Variants in GDF3 observed in about 807,000 individuals in gnomAD.
GDF3 encodes the protein growth/differentiation factor 3.
GDF3 carries 10 observed loss-of-function variants against 10.2 expected under a neutral mutation model. The observed-to-expected ratio is 0.98, with a 90% CI of 0.60 to 1.66. The LOEUF (loss-of-function observed/expected upper bound fraction) is 1.66, where lower values mean the gene tolerates loss of function less well. GDF3 is among the 40% of genes most tolerant of loss of function. GDF3 has a pLI of 0.00. For missense variants in GDF3, 450 were observed against 438.3 expected (o/e 1.03, Z -0.24); for synonymous variants, 166 against 178.5 (o/e 0.93, Z 0.56).
intron 1 of GDF3, among the ~76,000 whole-genome samples, chr12:7,691,613 C>T (rs766636433): frequency 2.0e-5 from 3 of 151,272 alleles, no homozygotes; most frequent in Admixed American, 1.3e-4. Flanking sequence ...AACACTATGC[C>T]GAAATTTATG....
chr12:7,692,603 G>A (rs920813152), intron 1 of GDF3, among the ~76,000 whole-genome samples: 5 of 150,856 alleles, frequency 3.3e-5, no homozygotes, highest in Admixed American at 1.3e-4. Context: ...TCCGTCTCTC[G>A]GGTTCAAGCA....
chr12:7,694,437 G>A (rs893366268), intron 1 of GDF3, among the ~76,000 whole-genome samples: 12 of 142,468 alleles, frequency 8.4e-5, no homozygotes, highest in Non-Finnish European at 1.3e-4. Context: ...AGCTGGGCTT[G>A]GTGACACACG....
Position 7,690,266 on chromosome 12 carries a change from A to G in GDF3, c.707T>C (p.Val236Ala), listed in dbSNP as rs964227223. Residue 236 changes from valine (V) to alanine (A), a missense_variant, in exon 2 of 2, where the codon GTG (valine) becomes GCG (alanine). Val to Ala is a moderately conservative substitution (Grantham distance 64). Coordinates refer to ENST00000329913, the MANE Select transcript of GDF3 (RefSeq NM_020634.3). ...GTGGCACTGATCAGGGTTGAGAGTC[A>G]CCACCAGCAGGGAAGCATGAAGGGA... Reference protein sequence around the residue: ...RCSLHASLLVVTLNPDQCHPS... With the variant: ...RCSLHASLLVATLNPDQCHPS... The G allele has an allele frequency of 6.2e-7, 1 of 1,614,002 alleles. No homozygotes were observed. The highest frequency in any genetic ancestry group is 8.5e-7 in the Non-Finnish European group (1 of 1,180,028).
chr12:7,692,108 T>G (rs1159535683), intron 1 of GDF3, among the ~76,000 whole-genome samples: 2 of 152,062 alleles, frequency 1.3e-5, no homozygotes, highest in Non-Finnish European at 2.9e-5. Flanking sequence ...ATATTTTACT[T>G]TAGGCACTTA....
At position 7,690,256 on chromosome 12, in the gene GDF3, G is replaced by C. The variant is rs1192886112; in HGVS notation, c.717C>G (p.Asn239Lys). 6.2e-7 allele frequency: 1 copy of C among 1,614,048 alleles called. No individual in the cohort carries two copies. The highest frequency in any genetic ancestry group is 1.3e-5 in the African/African-American group (1 of 74,930). ...LHASLLVVTLNPDQCHPSRKR... is the reference protein window; with the variant it reads ...LHASLLVVTLKPDQCHPSRKR... ...TCCGAGAAGGGTGGCACTGATCAGG[G>C]TTGAGAGTCACCACCAGCAGGGAAG... is the stretch of plus-strand genomic sequence containing the variant. The change falls in exon 2 of 2, where the codon AAC (asparagine) becomes AAG (lysine). Residue 239 changes from asparagine to lysine, a missense_variant. Coordinates refer to ENST00000329913, the MANE Select transcript of GDF3 (RefSeq NM_020634.3).
rs761911472 is a variant in GDF3, at chr12:7,695,447, C to G, written c.268+14G>C. On this transcript the variant is annotated intron_variant, in intron 1 of 1. Transcript: ENST00000329913. Reference sequence around the variant, plus strand: ...GTTCCAGATGTTTTTCTGGATAACACTCTATTTCCTTACCTTGGTCTGGGA... The same window carrying G: ...GTTCCAGATGTTTTTCTGGATAACAGTCTATTTCCTTACCTTGGTCTGGGA... 1.2e-6 allele frequency: 2 copies of G among 1,613,038 alleles called. No homozygotes were observed. Among genetic ancestry groups the G allele is most frequent in the Non-Finnish European group, 1.7e-6 (2 of 1,179,014 alleles).
At position 7,695,763 on chromosome 12, in the gene GDF3, C is replaced by T; in HGVS notation, c.-35G>A. 6.2e-7 allele frequency: 1 copy of T among 1,612,446 alleles called. No homozygotes were observed. The highest frequency in any genetic ancestry group is 1.3e-5 in the African/African-American group (1 of 75,024). ...AGTGGCTGTCAGACCGGGGAGAGCTCCACTGCCAGACTGCCCAACAATTCA... is the reference window on the plus strand; with the variant it reads ...AGTGGCTGTCAGACCGGGGAGAGCTTCACTGCCAGACTGCCCAACAATTCA... On this transcript the variant is annotated 5_prime_UTR_variant, in exon 1 of 2. Transcript: ENST00000329913.
intron 1 of GDF3, among the ~76,000 whole-genome samples, chr12:7,692,829 G>C (rs1864146980): frequency 6.6e-6 from 1 of 151,720 alleles, no homozygotes. Flanking sequence ...TTTTTGTAGA[G>C]ATAGGGTCTC....
chr12:7,692,316 G>A (rs1438168979), intron 1 of GDF3, among the ~76,000 whole-genome samples: 1 of 151,824 alleles, frequency 6.6e-6, no homozygotes, highest in East Asian at 2.0e-4. Context: ...TGTAATCCCA[G>A]CTACTCGGGA....
chr12:7,692,758 C>A (rs530653421), intron 1 of GDF3, among the ~76,000 whole-genome samples: 2 of 152,006 alleles, frequency 1.3e-5, no homozygotes, highest in Non-Finnish European at 2.9e-5. Context: ...CCCACCTCGG[C>A]CTCCCAAAGT....
In GDF3 at chr12:7,690,700, G is replaced by T; in HGVS notation, c.273C>A (p.Phe91Leu). ...GGGAAATTTTCTTTGGGTAAAGAAA[G>T]AAACCTAGATGGGAAAAGAGACATG... ...NVLRFLPDQG[F>L]FLYPKKISQA... Residue 91 changes from phenylalanine to leucine, a missense_variant, in exon 2 of 2, where the codon TTC becomes TTA. By Grantham distance (22) the Phe-to-Leu change is conservative. Transcript: ENST00000329913. 3 of 1,572,904 alleles carry T rather than the reference G, an allele frequency of 1.9e-6. No homozygotes were observed. Among genetic ancestry groups the T allele is most frequent in the Non-Finnish European group, 2.6e-6 (3 of 1,142,708 alleles).
rs1478585475 is a variant in GDF3, at chr12:7,695,627, G to A, written c.102C>T (p.Gly34=). The A allele has an allele frequency of 1.6e-5, 26 of 1,613,984 alleles. No homozygotes were observed. Among genetic ancestry groups the A allele is most frequent in the Non-Finnish European group, 2.2e-5 (26 of 1,179,980 alleles). ...TCTGGGGTGAAGGCGCCTTATCTAA[G>A]CCCAGAAATTGGAGAAAGACATATT... The part of the protein sequence containing the change: ...FQEYVFLQFL[G]LDKAPSPQKF... The change falls in exon 1 of 2, where the codon GGC becomes GGT. Residue 34 remains glycine, a synonymous_variant. Coordinates refer to ENST00000329913, the MANE Select transcript of GDF3 (RefSeq NM_020634.3).
chr12:7,693,532 G>A (rs1387742994), intron 1 of GDF3, among the ~76,000 whole-genome samples: 1 of 151,068 alleles, frequency 6.6e-6, no homozygotes, highest in African/African-American at 2.4e-5. Context: ...GAGCCACCAC[G>A]CCCAGCCTTA....
At chr12:7,692,935 C>T (rs144573499) in intron 1 of GDF3, among the ~76,000 whole-genome samples, 1 of 151,968 alleles carries the variant, frequency 6.6e-6, no homozygotes, top group Non-Finnish European at 1.5e-5. Flanking sequence ...CTGTGCCCAG[C>T]CTCTCCTCAT....
intron 1 of GDF3, among the ~76,000 whole-genome samples, chr12:7,694,712 C>T (rs1123136): frequency 0.64 from 96,754 of 151,844 alleles, 31,318 homozygotes; most frequent in Middle Eastern, 0.81. Flanking sequence ...GTAAAACTAA[C>T]CAAGGCTCTA....
In GDF3 at chr12:7,694,569, C is replaced by CAA. The variant is rs57221382; in HGVS notation, c.268+890_268+891dup. On this transcript the variant is annotated intron_variant, in intron 1 of 1. Transcript: ENST00000329913. ...AGCCTGGGGGACAGAGCGAGACTCT[C>CAA]AAAAAAAAAAAAAAAAAAAAAAGGC... 9.3e-3 allele frequency among the ~76,000 whole-genome samples: 735 copies of CAA among 78,824 alleles called. 12 individuals are homozygous for CAA. Among genetic ancestry groups the CAA allele is most frequent in the Non-Finnish European group, 0.011 (490 of 44,990 alleles). 51.7% of individuals were successfully genotyped at this position (78,824 alleles called of 152,430 possible).
chr12:7,690,153 G>A lies in GDF3; in HGVS notation c.820C>T (p.Arg274Trp), dbSNP rs387906946. ...ATCCACTTGTGCCAACCCAGGTCCCGGAAGTTAATGAATAGCTGGTGACGG... is the reference window on the plus strand; with the variant it reads ...ATCCACTTGTGCCAACCCAGGTCCCAGAAGTTAATGAATAGCTGGTGACGG... ...CHRHQLFINFRDLGWHKWIIA... is the reference protein window; with the variant it reads ...CHRHQLFINFWDLGWHKWIIA... Residue 274 changes from arginine (R) to tryptophan (W), a missense_variant, in exon 2 of 2, where the codon CGG becomes TGG. Coordinates refer to ENST00000329913, the MANE Select transcript of GDF3 (RefSeq NM_020634.3). 9.7e-5 allele frequency: 156 copies of A among 1,614,148 alleles called. 2 individuals carry two copies. The South Asian group carries it at 1.5e-3, about 16-fold the overall frequency.
chr12:7,693,285 C>T (rs764705043), intron 1 of GDF3, among the ~76,000 whole-genome samples: 4 of 151,894 alleles, frequency 2.6e-5, no homozygotes, highest in Non-Finnish European at 5.9e-5. Context: ...TCACAGCAAC[C>T]TCTGCCTCCC....
intron 1 of GDF3, among the ~76,000 whole-genome samples, chr12:7,691,474 A>G (rs1242736332): frequency 6.6e-6 from 1 of 151,744 alleles, no homozygotes; most frequent in Admixed American, 6.6e-5. Context: ...TGGGAGGCTG[A>G]GATGGGAGAT....
Sources: allele counts gnomAD v4.1 joint callset (sites outside exome capture counted in the v4.1 genomes callset), GRCh38; gene constraint gnomAD v4.1.1; transcripts MANE v1.5; gene names NCBI Gene and HGNC (gene_info 2026-07-23, HGNC 2026-07-21).